Variants in BRCA2 observed in about 807,000 individuals in gnomAD.
The protein encoded by BRCA2 is breast cancer type 2 susceptibility protein.
A neutral mutation model predicts 276.7 loss-of-function variants in BRCA2; 203 were observed. The observed-to-expected ratio is 0.73, with a 90% CI of 0.65 to 0.82. The LOEUF is 0.82. BRCA2 is among the 40% of genes least tolerant of loss of function. BRCA2 has a pLI of 0.00. For missense variants in BRCA2, 3,920 were observed against 3,915.0 expected, an observed-to-expected ratio of 1.00 and a Z score of -0.03; for synonymous variants, 1,289 against 1,338.4, an observed-to-expected ratio of 0.96 and a Z score of 0.81.
intron 20 of BRCA2, among the ~76,000 whole-genome samples, chr13:32,371,315 C>A (rs546150742): frequency 6.6e-6 from 1 of 151,866 alleles, no homozygotes; most frequent in Admixed American, 6.6e-5. Flanking sequence ...AATATTTTTC[C>A]TGAATTCTTA....
rs1555284738 is a variant in BRCA2, at chr13:32,340,882, A to ACATTCATG, written c.6528_6535dup (p.Val2179AlafsTer15). ...GGAACCAAAGTGTCACTTGTTGAGA[A>ACATTCATG]CATTCATGTTTTGGGAAAAGAACAG... On this transcript the variant is annotated frameshift_variant, in exon 11 of 27. Transcript: ENST00000380152. LOFTEE classifies it high-confidence loss of function. The ACATTCATG allele has an allele frequency of 1.2e-6, 2 of 1,605,304 alleles. No homozygotes were observed. Among genetic ancestry groups the ACATTCATG allele is most frequent in the Non-Finnish European group, 1.7e-6 (2 of 1,177,794 alleles).
In BRCA2 at chr13:32,362,663, C is replaced by CA. The variant is rs886040736; in HGVS notation, c.7947dup (p.Glu2650ArgfsTer12). 1 of 1,614,128 alleles carries CA rather than the reference C, an allele frequency of 6.2e-7. No individual in the cohort carries two copies. Among genetic ancestry groups the CA allele is most frequent in the Non-Finnish European group, 8.5e-7 (1 of 1,180,030 alleles). ...GAATTTGCTAATAGATGCCTAAGCC[C>CA]AGAAAGGGTGCTTCTTCAACTAAAA... On this transcript the variant is annotated frameshift_variant, in exon 17 of 27. Coordinates refer to ENST00000380152, the MANE Select transcript of BRCA2 (RefSeq NM_000059.4). LOFTEE classifies it high-confidence loss of function.
At chr13:32,374,414 T>C (rs1362962416) in intron 20 of BRCA2, among the ~76,000 whole-genome samples, 3 of 152,224 alleles carry the variant, frequency 2.0e-5, no homozygotes, top group Non-Finnish European at 2.9e-5. Flanking sequence ...CTTTTAAATA[T>C]AGGTTCCAAT....
chr13:32,396,481 G>A (rs2073037820), intron 25 of BRCA2, among the ~76,000 whole-genome samples: 2 of 152,188 alleles, frequency 1.3e-5, no homozygotes, highest in African/African-American at 2.4e-5. Flanking sequence ...TGGAACAGAC[G>A]TGAGGTAGGT....
chr13:32,363,572 A>G (rs2072762035), intron 18 of BRCA2, 39 bp downstream of exon 18: 1 of 1,542,752 alleles, frequency 6.5e-7, no homozygotes, highest in African/African-American at 1.4e-5. Context: ...TCAGTCATTG[A>G]TTCAGTTAAA....
chr13:32,334,141 T>C (rs368921153), intron 10 of BRCA2, among the ~76,000 whole-genome samples: 22 of 152,280 alleles, frequency 1.4e-4, no homozygotes, highest in African/African-American at 5.3e-4. Flanking sequence ...TACCCCGTAA[T>C]GGGATTGCTG....
Position 32,337,274 on chromosome 13 carries a change from G to GGAC in BRCA2, c.2920_2922dup (p.Asp974dup). The stretch of plus-strand genomic sequence containing the variant: ...TGACTCTAGGTCAAGATTTAAAATC[G>GGAC]GACATCTCCTTGAATATAGATAAAA... On this transcript the variant is annotated inframe_insertion, in exon 11 of 27. Transcript: ENST00000380152. The GGAC allele has an allele frequency of 6.2e-6, 10 of 1,611,690 alleles. No individual in the cohort carries two copies. Among genetic ancestry groups the GGAC allele is most frequent in the Non-Finnish European group, 8.5e-6 (10 of 1,179,290 alleles).
At chr13:32,396,703 A>G in intron 25 of BRCA2, 195 bp from the exon 26 acceptor site, 2 of 630,016 alleles carry the variant, frequency 3.2e-6, no homozygotes, top group Non-Finnish European at 5.5e-6. Context: ...TCTCCCTATC[A>G]GCTAGATTCC....
At chr13:32,329,913 T>C (rs2072376658) in intron 8 of BRCA2, among the ~76,000 whole-genome samples, 1 of 152,180 alleles carries the variant, frequency 6.6e-6, no homozygotes, top group South Asian at 2.1e-4. Context: ...AATAATAAAA[T>C]AGGACAATTA....
At position 32,340,222 on chromosome 13, in the gene BRCA2, A is replaced by T. The variant is rs1309562690; in HGVS notation, c.5867A>T (p.Asp1956Val). The change falls in exon 11 of 27, where the codon GAT becomes GTT. Residue 1956 changes from aspartate (D) to valine (V), a missense_variant. By Grantham distance (152) the Asp-to-Val change is radical. Around this residue, in one of 2 missense-constraint regions of BRCA2, gnomAD observed 3,263 missense variants for 3,156.9 expected, o/e 1.03. Coordinates refer to ENST00000380152, the MANE Select transcript of BRCA2 (RefSeq NM_000059.4). ...TGTGATGTTAGTTTGGAAACTTCAG[A>T]TATATGTAAATGTAGTATAGGGAAG... is the stretch of plus-strand genomic sequence containing the variant. ...SPCDVSLETS[D>V]ICKCSIGKLH... 1 of 1,614,002 alleles carries T rather than the reference A, an allele frequency of 6.2e-7. No individual in the cohort carries two copies. Among genetic ancestry groups the T allele is most frequent in the Non-Finnish European group, 8.5e-7 (1 of 1,179,910 alleles).
In BRCA2 at chr13:32,338,460, T is replaced by C. The variant is rs138567364; in HGVS notation, c.4105T>C (p.Ser1369Pro). Residue 1369 changes from serine (S) to proline (P), a missense_variant, in exon 11 of 27, where the codon TCT becomes CCT. This residue lies in a region of BRCA2 where 3,263 missense variants were observed against 3,156.9 expected (regional missense o/e 1.03). Coordinates refer to ENST00000380152, the MANE Select transcript of BRCA2 (RefSeq NM_000059.4). ...TCAGCACAACATATGTCTTAAATTA[T>C]CTGGCCAGTTTATGAAGGAGGGAAA... Reference protein sequence around the residue: ...TDQHNICLKLSGQFMKEGNTQ... With the variant: ...TDQHNICLKLPGQFMKEGNTQ... The C allele has an allele frequency of 3.7e-6, 6 of 1,611,230 alleles. No homozygotes were observed. Among genetic ancestry groups the C allele is most frequent in the African/African-American group, 2.7e-5 (2 of 74,816 alleles).
At chr13:32,393,121 A>G (rs1010596867) in intron 24 of BRCA2, among the ~76,000 whole-genome samples, 1 of 152,196 alleles carries the variant, frequency 6.6e-6, no homozygotes. Flanking sequence ...ACTGATCTTA[A>G]TCACTTGATT....
At chr13:32,382,693 A>AGCCAGAAGGGGAG (rs1384913239) in intron 24 of BRCA2, among the ~76,000 whole-genome samples, 7 of 152,238 alleles carry the variant, frequency 4.6e-5, no homozygotes, top group Non-Finnish European at 1.0e-4. Context: ...ATGAATCAGT[A>AGCCAGAAGGGGAG]GCCAGAAGGG....
chr13:32,350,752 CA>C (rs544935490), intron 13 of BRCA2, among the ~76,000 whole-genome samples: 20 of 140,868 alleles, frequency 1.4e-4, no homozygotes, highest in Admixed American at 1.0e-3. Flanking sequence ...GACTCCGTCT[CA>C]AAAAAAAAAC....
rs1593904769 is a variant in BRCA2 at position 32,339,566 on chromosome 13, T to C, written c.5211T>C (p.Asp1737=). Residue 1737 remains aspartate, a synonymous_variant, in exon 11 of 27, where the codon GAT becomes GAC. Transcript: ENST00000380152. ...NDKNHLSEKQ[D]TYLSNSSMSN... Reference sequence around the variant, plus strand: ...AAAATCATCTCTCCGAAAAACAAGATACTTATTTAAGTAACAGTAGCATGT... The same window carrying C: ...AAAATCATCTCTCCGAAAAACAAGACACTTATTTAAGTAACAGTAGCATGT... The C allele has an allele frequency of 6.2e-7, 1 of 1,608,910 alleles. No homozygotes were observed. The highest frequency in any genetic ancestry group is 8.5e-7 in the Non-Finnish European group (1 of 1,176,668).
At chr13:32,365,667 C>T in intron 18 of BRCA2, among the ~76,000 whole-genome samples, 1 of 151,344 alleles carries the variant, frequency 6.6e-6, no homozygotes, top group African/African-American at 2.4e-5. Context: ...CATGAGCCAC[C>T]ACGCCCAGCC....
At chr13:32,366,064 T>C (rs1043582103) in intron 18 of BRCA2, among the ~76,000 whole-genome samples, 12 of 152,188 alleles carry the variant, frequency 7.9e-5, no homozygotes, top group African/African-American at 2.7e-4. Flanking sequence ...TAAATATTTT[T>C]ACATAATTTT....
chr13:32,385,420 T>C, intron 24 of BRCA2: 1 of 212,982 alleles, frequency 4.7e-6, no homozygotes, highest in Non-Finnish European at 1.0e-5. Flanking sequence ...GACCTTTGTC[T>C]TTGGATATGT....
At chr13:32,321,453 C>G (rs1184475546) in intron 3 of BRCA2, among the ~76,000 whole-genome samples, 2 of 152,068 alleles carry the variant, frequency 1.3e-5, no homozygotes, top group Non-Finnish European at 2.9e-5. Flanking sequence ...AGAAAAAGCT[C>G]CATAAAGCAG....
Sources: allele counts gnomAD v4.1 joint callset (sites outside exome capture counted in the v4.1 genomes callset), GRCh38; gene constraint gnomAD v4.1.1; regional missense constraint gnomAD v4.1.1; transcripts MANE v1.5; gene names NCBI Gene and HGNC (gene_info 2026-07-23, HGNC 2026-07-21).